The following PC variants were observed in gnomAD, a reference collection of about 807,000 sequenced individuals.
The protein encoded by PC is pyruvate carboxylase.
In PC, 46 loss-of-function variants were observed where a neutral mutation model predicts 107.8. The observed-to-expected ratio is 0.43, with a 90% CI of 0.34 to 0.55. The LOEUF is 0.55. Ranked by LOEUF, PC falls within the 20% of genes least tolerant of loss-of-function variation. The probability of loss-of-function intolerance (pLI) is 0.04; values close to 1 mark genes in which losing one functional copy is unlikely to be tolerated. For synonymous variants in PC, 662 were observed against 684.7 expected, an observed-to-expected ratio of 0.97 and a Z score of 0.52; for missense variants, 1,241 against 1,643.1, an observed-to-expected ratio of 0.76 and a Z score of 4.23.
chr11:66,868,530 A>C (rs1476568997), intron 10 of PC, among the ~76,000 whole-genome samples: 1 of 152,112 alleles, frequency 6.6e-6, no homozygotes, highest in Non-Finnish European at 1.5e-5. Flanking sequence ...ACCCCGAGCA[A>C]CTCTCCAAAT....
intron 3 of PC, among the ~76,000 whole-genome samples, chr11:66,880,125 T>C (rs984983813): frequency 1.3e-5 from 2 of 152,156 alleles, no homozygotes; most frequent in African/African-American, 2.4e-5. Context: ...TTCCTAGAAC[T>C]TGGTTAACCC....
intron 3 of PC, among the ~76,000 whole-genome samples, chr11:66,946,223 G>A (rs905607571): frequency 6.6e-6 from 1 of 152,190 alleles, no homozygotes; most frequent in East Asian, 1.9e-4. Context: ...GAGGCCAGGC[G>A]TGGTGACTCA....
chr11:66,871,621 G>C lies in PC; in HGVS notation c.321+66C>G, dbSNP rs1555027273. 1 of 1,561,904 alleles carries C rather than the reference G, an allele frequency of 6.4e-7. No individual in the cohort carries two copies. Among genetic ancestry groups the C allele is most frequent in the South Asian group, 1.1e-5 (1 of 87,092 alleles). ...GGCGCTGAGCACGCCAGCCTCAAGA[G>C]ACCCCCGCGGCAACTAAGACTCCCT... On this transcript the variant is annotated intron_variant, in intron 5 of 22. Coordinates refer to ENST00000393960, the MANE Select transcript of PC (RefSeq NM_001040716.2). The surrounding 1 kb of genome is among the most constrained non-coding windows in gnomAD (Gnocchi z 7.4).
In PC at chr11:66,863,893, C is replaced by T. The variant is rs748026520; in HGVS notation, c.1249G>A (p.Val417Ile). Residue 417 changes from valine (V) to isoleucine (I), a missense_variant, in exon 12 of 23, where the codon GTC becomes ATC. Val to Ile is a conservative substitution (Grantham distance 29). This residue lies in a region of PC where 1,143 missense variants were observed against 1,551.9 expected (regional missense o/e 0.74). Transcript: ENST00000393960. The part of the protein sequence containing the change: ...LDNASAFQGA[V>I]ISPHYDSLLV... ...AGGGAGTCGTAGTGGGGCGAGATGA[C>T]GGCTCCTTGGAAGGCGGAAGCATTA... 40 of 1,613,974 alleles carry T rather than the reference C, an allele frequency of 2.5e-5. No homozygotes were observed. The highest frequency in any genetic ancestry group is 1.1e-4 in the African/African-American group (8 of 74,944).
intron 3 of PC, among the ~76,000 whole-genome samples, chr11:66,928,385 C>CAAAA (rs752969475): frequency 2.1e-5 from 2 of 94,772 alleles, no homozygotes; most frequent in Admixed American, 1.3e-4. Context: ...GACTCCATCT[C>CAAAA]AAAAAAAAAA....
chr11:66,864,002 C>A, intron 11 of PC, 46 bp from the exon 12 acceptor site: 2 of 1,600,818 alleles, frequency 1.2e-6, no homozygotes, highest in South Asian at 2.2e-5. Flanking sequence ...AAACTGCGGT[C>A]AAAAGTGCCC....
rs766513603 is a variant in PC, at chr11:66,850,650, G to C, written c.2473+24C>G. On this transcript the variant is annotated intron_variant, in intron 18 of 22. Coordinates refer to ENST00000393960, the MANE Select transcript of PC (RefSeq NM_001040716.2). ...TGGCTGCGGCTTTGAGAGGGGTGTG[G>C]CCACGGGCTGCTGTTCTTCCTACCT... 14 of 1,605,026 alleles carry C rather than the reference G, an allele frequency of 8.7e-6. 2 individuals carry two copies. The South Asian group carries it at 1.5e-4, about 18-fold the overall frequency.
At chr11:66,889,323 G>A (rs916102845) in intron 3 of PC, among the ~76,000 whole-genome samples, 2 of 151,946 alleles carry the variant, frequency 1.3e-5, no homozygotes, top group East Asian at 1.9e-4. Context: ...CAGGGGTGGC[G>A]GGGGCAAATG....
rs367553596 is a variant in PC at position 66,858,421 on chromosome 11, C to T, written c.1369-5038G>A. On this transcript the variant is annotated intron_variant, in intron 12 of 22. Transcript: ENST00000393960. This position sits in a 1 kb window ranked among gnomAD's most constrained non-coding sequence, Gnocchi z 5.9. ...CGTGATGCAGAGGCCTCTCCCGCCC[C>T]CCTGGTGCTGAGCTTTAGCGGGAAC... 784 of 1,555,352 alleles carry T rather than the reference C, an allele frequency of 5.0e-4. 8 individuals are homozygous for T. In the South Asian group the frequency reaches 8.1e-3, roughly 16 times the overall value.
At chr11:66,921,018 T>C in intron 3 of PC, among the ~76,000 whole-genome samples, 1 of 143,822 alleles carries the variant, frequency 7.0e-6, no homozygotes, top group Non-Finnish European at 1.5e-5. Context: ...GGAGCGAGAC[T>C]CCGTCTCAAA....
At position 66,945,640 on chromosome 11, in the gene PC, G is replaced by A. The variant is rs1443354515; in HGVS notation, c.-1+6790C>T. 1.7e-5 allele frequency among the ~76,000 whole-genome samples: 2 copies of A among 116,804 alleles called. 1 individual carries two copies. The highest frequency in any genetic ancestry group is 6.2e-5 in the African/African-American group (2 of 32,468). 76.6% of individuals were successfully genotyped at this position (116,804 alleles called of 152,430 possible). A position where few individuals can be genotyped will look rare whatever the true frequency, so the allele number is the denominator to read the frequency against. On this transcript the variant is annotated intron_variant, in intron 3 of 22. Transcript: ENST00000393960. ...AAGAAAATGTCATCCAGTTGAGAAA[G>A]AAAGGCCAAAAGTTAATTAGAAAAA...
At chr11:66,903,791 T>TAC (rs1555039134) in intron 3 of PC, among the ~76,000 whole-genome samples, 63 of 120,420 alleles carry the variant, frequency 5.2e-4, no homozygotes, top group African/African-American at 1.7e-3. Context: ...TATATATATA[T>TAC]ACACACACCC....
chr11:66,887,950 G>C (rs1001767304), intron 3 of PC, among the ~76,000 whole-genome samples: 19 of 152,344 alleles, frequency 1.2e-4, no homozygotes, highest in Non-Finnish European at 2.6e-4. Flanking sequence ...ATGGCTGCCG[G>C]GCTCCTTTGC....
intron 3 of PC, among the ~76,000 whole-genome samples, chr11:66,939,962 T>TA (rs1361810807): frequency 1.3e-5 from 2 of 150,900 alleles, no homozygotes; most frequent in African/African-American, 4.9e-5. Flanking sequence ...GGAAAAAACA[T>TA]AGGGGAAAAG....
intron 3 of PC, among the ~76,000 whole-genome samples, chr11:66,903,826 ATT>A (rs1168472165): frequency 1.5e-5 from 2 of 131,990 alleles, no homozygotes; most frequent in Non-Finnish European, 1.6e-5. Flanking sequence ...ACATATATAC[ATT>A]TTTTTTTTTT....
At chr11:66,850,958 T>C in intron 17 of PC, 35 bp from the exon 18 acceptor site, 1 of 1,606,076 alleles carries the variant, frequency 6.2e-7, no homozygotes, top group Non-Finnish European at 8.5e-7. Context: ...AGAGAGATGG[T>C]AGAGAGGGCA....
intron 3 of PC, among the ~76,000 whole-genome samples, chr11:66,940,089 A>G (rs149210467): frequency 9.7e-4 from 148 of 152,318 alleles, no homozygotes; most frequent in African/African-American, 3.4e-3. Context: ...TTGTGCATCA[A>G]AAGACATTAT....
chr11:66,935,960 T>C (rs1296324849), intron 3 of PC, among the ~76,000 whole-genome samples: 3 of 151,606 alleles, frequency 2.0e-5, no homozygotes, highest in Non-Finnish European at 4.4e-5. Context: ...ATGCCTGTAG[T>C]CCCAGCTACT....
Position 66,866,176 on chromosome 11 carries a change from G to T in PC, c.1185+11C>A. On this transcript the variant is annotated intron_variant, in intron 11 of 22. Transcript: ENST00000393960. The surrounding 1 kb of genome is among the most constrained non-coding windows in gnomAD (Gnocchi z 5.4). The stretch of plus-strand genomic sequence containing the variant: ...TGAGCTGGCATCTCCCTCTGCTCGA[G>T]CTCCGCCCACCTCAATGCGGCCGGT... 1 of 1,605,168 alleles carries T rather than the reference G, an allele frequency of 6.2e-7. No individual in the cohort carries two copies. The highest frequency in any genetic ancestry group is 2.2e-5 in the East Asian group (1 of 44,824).
Sources: gnomAD v4.1 joint callset for allele counts (sites outside exome capture counted in the v4.1 genomes callset) on GRCh38, gnomAD v4.1.1 for gene constraint, gnomAD v4.1.1 regional missense constraint, Gnocchi (gnomAD v3.1) non-coding constraint, MANE v1.5 for transcripts, NCBI Gene and HGNC (gene_info 2026-07-23, HGNC 2026-07-21) for gene names.